Variants in ZDHHC21 observed in about 807,000 individuals in gnomAD.
The protein encoded by ZDHHC21 is zDHHC palmitoyltransferase 21.
ZDHHC21 carries 15 observed loss-of-function variants against 34.6 expected under a neutral mutation model. The observed-to-expected ratio is 0.43, with a 90% CI of 0.29 to 0.67. The LOEUF is 0.67. ZDHHC21 is among the 30% of genes least tolerant of loss of function. ZDHHC21 has a pLI of 0.14. For missense variants in ZDHHC21, 344 were observed against 327.7 expected (o/e 1.05, Z -0.38); for synonymous variants, 142 against 101.8 (o/e 1.40, Z -2.38).
intron 8 of ZDHHC21, chr9:14,622,775 C>A (rs1825528478): frequency 1.0e-6 from 1 of 972,440 alleles, no homozygotes; most frequent in Admixed American, 6.2e-5. Flanking sequence ...TGCCTCTGGA[C>A]CTGTTTAACC....
Position 14,627,186 on chromosome 9 carries a change from T to A in ZDHHC21, c.622-7504A>T, listed in dbSNP as rs541588875. Among the ~76,000 whole-genome samples, 18 of 152,302 alleles carry A rather than the reference T, an allele frequency of 1.2e-4. No individual in the cohort carries two copies. The East Asian group carries it at 3.5e-3, about 29-fold the overall frequency. ...TTCTGTGTATAGATTAAAAGGCAAG[T>A]AAATCGACTGATTCGTAAAATGCTG... is the stretch of plus-strand genomic sequence containing the variant. On this transcript the variant is annotated intron_variant, in intron 8 of 9. Transcript: ENST00000380916.
At chr9:14,646,619 C>T (rs1234993701) in intron 7 of ZDHHC21, among the ~76,000 whole-genome samples, 10 of 152,180 alleles carry the variant, frequency 6.6e-5, no homozygotes, top group Middle Eastern at 3.4e-3. Flanking sequence ...TGCTATTTCT[C>T]AGACATAGCT....
chr9:14,597,484 A>G, the ZDHHC21 span, among the ~76,000 whole-genome samples: 1 of 152,148 alleles, frequency 6.6e-6, no homozygotes, highest in Non-Finnish European at 1.5e-5. Context: ...CCTTGGGCCA[A>G]TGCCACTGAG....
downstream of ZDHHC21, among the ~76,000 whole-genome samples, chr9:14,606,561 G>A (rs1248491549): frequency 6.6e-6 from 1 of 152,102 alleles, no homozygotes; most frequent in Admixed American, 6.5e-5. Context: ...CAGACACCAT[G>A]GAAGACAGAA....
At chr9:14,685,032 A>C (rs1335090226) in intron 2 of ZDHHC21, among the ~76,000 whole-genome samples, 10 of 152,168 alleles carry the variant, frequency 6.6e-5, no homozygotes, top group East Asian at 3.9e-4. Context: ...CCCTTCCTTA[A>C]GCCTTATACA....
intron 2 of ZDHHC21, among the ~76,000 whole-genome samples, chr9:14,689,293 G>C (rs551252369): frequency 4.6e-5 from 7 of 152,278 alleles, no homozygotes; most frequent in Non-Finnish European, 8.8e-5. Context: ...AGTAAAAGCA[G>C]GACTGGTGAG....
At chr9:14,592,291 C>T in the ZDHHC21 span, among the ~76,000 whole-genome samples, 3 of 151,956 alleles carry the variant, frequency 2.0e-5, no homozygotes, top group Non-Finnish European at 2.9e-5. Context: ...TTATTTAATT[C>T]GGTAAAATAC....
chr9:14,682,148 C>A (rs1380012366), intron 2 of ZDHHC21, among the ~76,000 whole-genome samples: 1 of 152,154 alleles, frequency 6.6e-6, no homozygotes, highest in African/African-American at 2.4e-5. Flanking sequence ...AGCAAAATAA[C>A]CAGCTAACAT....
the ZDHHC21 span, among the ~76,000 whole-genome samples, chr9:14,600,224 T>C: frequency 6.6e-6 from 1 of 152,212 alleles, no homozygotes; most frequent in Non-Finnish European, 1.5e-5. Flanking sequence ...TTGTCTCTGT[T>C]TGCAGATGAC....
rs1440015681 is a variant in ZDHHC21 at position 14,662,118 on chromosome 9, T to TA, written c.365+96dup. On this transcript the variant is annotated intron_variant, in intron 6 of 9. Transcript: ENST00000380916. ...CTTATTAAGATATTGTAAAACTATATAACTTTAACATAACTGTTGTTTAAA... is the reference window on the plus strand; with the variant it reads ...CTTATTAAGATATTGTAAAACTATATAAACTTTAACATAACTGTTGTTTAAA... The TA allele has an allele frequency of 9.6e-6, 7 of 725,688 alleles. No homozygotes were observed. In the African/African-American group the frequency reaches 1.1e-4, roughly 11 times the overall value. The allele number at this position is 725,688 out of a possible 1,614,324, so 45.0% of individuals were successfully genotyped here. A position where few individuals can be genotyped will look rare whatever the true frequency, so the allele number is the denominator to read the frequency against.
Position 14,653,183 on chromosome 9 carries a change from C to G in ZDHHC21, c.504+5566G>C, listed in dbSNP as rs529365470. Reference sequence around the variant, plus strand: ...AATAAGATGAAGTTCCTGATACTGTCTTTATTCACACATAGTTTTATACAC... The same window carrying G: ...AATAAGATGAAGTTCCTGATACTGTGTTTATTCACACATAGTTTTATACAC... On this transcript the variant is annotated intron_variant, in intron 7 of 9. Transcript: ENST00000380916. Among the ~76,000 whole-genome samples the G allele has an allele frequency of 2.6e-5, 4 of 151,996 alleles. No homozygotes were observed. In the East Asian group the frequency reaches 7.7e-4, roughly 29 times the overall value.
At chr9:14,601,031 T>G in the ZDHHC21 span, among the ~76,000 whole-genome samples, 1 of 152,088 alleles carries the variant, frequency 6.6e-6, no homozygotes, top group East Asian at 1.9e-4. Context: ...CTGTAAGACC[T>G]AAAACCATAA....
At chr9:14,607,630 G>T (rs535923808), downstream of ZDHHC21, among the ~76,000 whole-genome samples, 2 of 151,866 alleles carry the variant, frequency 1.3e-5, no homozygotes, top group African/African-American at 4.8e-5. Context: ...CTGGGGGCGG[G>T]GGGGAAGTAA....
chr9:14,639,995 T>C lies in ZDHHC21; in HGVS notation c.522A>G (p.Arg174=), dbSNP rs1353316648. ...CTAGTCTCATTATGGCCAATTCATG[T>C]CTAAAAACAAAGAGGTCCTAAAAAG... The part of the protein sequence containing the change: ...KKRNLDLFVF[R]HELAIMRLAA... The change falls in exon 8 of 10, where the codon AGA becomes AGG. Residue 174 remains arginine (R), a synonymous_variant. Coordinates refer to ENST00000380916, the MANE Select transcript of ZDHHC21 (RefSeq NM_178566.6). The C allele has an allele frequency of 6.2e-7, 1 of 1,600,788 alleles. No individual in the cohort carries two copies. The highest frequency in any genetic ancestry group is 1.7e-5 in the Admixed American group (1 of 57,814).
chr9:14,658,318 T>G (rs915046925), intron 7 of ZDHHC21, among the ~76,000 whole-genome samples: 5 of 151,310 alleles, frequency 3.3e-5, no homozygotes, highest in Admixed American at 3.3e-4. Flanking sequence ...CCCAATATAG[T>G]TCAAAATTCA....
intron 6 of ZDHHC21, among the ~76,000 whole-genome samples, chr9:14,660,702 G>A (rs10481503): frequency 0.24 from 37,111 of 151,842 alleles, 5,071 homozygotes; most frequent in East Asian, 0.35. Context: ...AACTATGGAA[G>A]CAAGAGGCCC....
chr9:14,676,094 C>A lies in ZDHHC21; in HGVS notation c.-45-1709G>T, dbSNP rs539671904. Among the ~76,000 whole-genome samples, 44 of 151,918 alleles carry A rather than the reference C, an allele frequency of 2.9e-4. 1 individual carries two copies. In the South Asian group the frequency reaches 7.7e-3, roughly 27 times the overall value. ...CTATTGAAGCAGGGGATTAACATGA[C>A]GAAATGTGTACCGTGAATAAATTAC... On this transcript the variant is annotated intron_variant, in intron 3 of 9. Coordinates refer to ENST00000380916, the MANE Select transcript of ZDHHC21 (RefSeq NM_178566.6).
chr9:14,693,091 G>A (rs914981283), intron 1 of ZDHHC21, 138 bp downstream of exon 1: 1 of 202,578 alleles, frequency 4.9e-6, no homozygotes, highest in Non-Finnish European at 1.0e-5. Context: ...GGGCGTGCAG[G>A]AACAGGTGAG....
At chr9:14,680,991 C>A (rs545731999) in intron 2 of ZDHHC21, among the ~76,000 whole-genome samples, 1 of 152,182 alleles carries the variant, frequency 6.6e-6, no homozygotes, top group South Asian at 2.1e-4. Context: ...CAGACCAAGA[C>A]AACAGAATAA....
Sources: allele counts gnomAD v4.1 joint callset (sites outside exome capture counted in the v4.1 genomes callset), GRCh38; gene constraint gnomAD v4.1.1; transcripts MANE v1.5; gene names NCBI Gene and HGNC (gene_info 2026-07-23, HGNC 2026-07-21).